The following SPAG16 variants were observed in gnomAD, a reference collection of about 807,000 sequenced individuals.
SPAG16 encodes the protein sperm associated antigen 16, also known as sperm-associated antigen 16 protein.
Under a neutral mutation model 80.4 loss-of-function variants are expected in SPAG16, and 86 were observed. That is an observed-to-expected ratio of 1.07 (90% CI 0.90 to 1.28). The LOEUF (loss-of-function observed/expected upper bound fraction) is 1.28. Ranked by LOEUF, SPAG16 falls within the 50% of genes most tolerant of loss-of-function variation. The pLI is 0.00. For synonymous variants in SPAG16, 294 were observed against 265.9 expected (o/e 1.11, Z -1.03); for missense variants, 870 against 765.3 (o/e 1.14, Z -1.61).
rs116525764 is a variant in SPAG16 at position 213,872,380 on chromosome 2, A to G, written c.1214+9752A>G. 8.4e-3 allele frequency among the ~76,000 whole-genome samples: 1,285 copies of G among 152,282 alleles called. 15 individuals are homozygous for G. The highest frequency in any genetic ancestry group is 0.029 in the African/African-American group (1,200 of 41,556). On this transcript the variant is annotated intron_variant, in intron 11 of 15. Transcript: ENST00000331683. Reference sequence around the variant, plus strand: ...TGTGGTAATTTGTCACAGCACAAAAAGAAAACAAATACACTATTCTTCCAC... The same window carrying G: ...TGTGGTAATTTGTCACAGCACAAAAGGAAAACAAATACACTATTCTTCCAC...
intron 10 of SPAG16, among the ~76,000 whole-genome samples, chr2:213,761,088 C>T (rs2068631372): frequency 6.6e-6 from 1 of 152,114 alleles, no homozygotes; most frequent in Admixed American, 6.6e-5. Context: ...ATATTCAAAC[C>T]ATAGCAAGGA....
intron 14 of SPAG16, among the ~76,000 whole-genome samples, chr2:214,130,888 T>C (rs766924209): frequency 2.0e-5 from 3 of 152,170 alleles, no homozygotes; most frequent in Non-Finnish European, 2.9e-5. Flanking sequence ...TCTCCTTGAA[T>C]AAAACGTTAG....
At chr2:213,855,700 G>A (rs2075124029) in intron 10 of SPAG16, among the ~76,000 whole-genome samples, 1 of 152,180 alleles carries the variant, frequency 6.6e-6, no homozygotes, top group East Asian at 1.9e-4. Flanking sequence ...CATCAGGAGA[G>A]GGAATGAGAG....
intron 15 of SPAG16, among the ~76,000 whole-genome samples, chr2:214,324,414 A>T (rs538440340): frequency 1.3e-5 from 2 of 152,242 alleles, no homozygotes; most frequent in Non-Finnish European, 2.9e-5. Context: ...TCTGTTTTCA[A>T]ACCACAAAAG....
At chr2:213,781,791 G>A (rs1195562686) in intron 10 of SPAG16, among the ~76,000 whole-genome samples, 3 of 152,174 alleles carry the variant, frequency 2.0e-5, no homozygotes, top group African/African-American at 7.2e-5. Context: ...GTTCATTGAA[G>A]AGCTTTTTCC....
intron 15 of SPAG16, among the ~76,000 whole-genome samples, chr2:214,335,854 G>T (rs1467706338): frequency 2.7e-5 from 4 of 147,620 alleles, no homozygotes; most frequent in Admixed American, 1.4e-4. Flanking sequence ...TGCCTCCCAG[G>T]TTCAAGTGAT....
At chr2:213,363,399 A>G (rs1043189076) in intron 7 of SPAG16, among the ~76,000 whole-genome samples, 1 of 152,060 alleles carries the variant, frequency 6.6e-6, no homozygotes, top group Non-Finnish European at 1.5e-5. Flanking sequence ...ATTTTCTATT[A>G]ATAAAGAAAT....
intron 10 of SPAG16, among the ~76,000 whole-genome samples, chr2:213,852,630 G>A (rs1057139565): frequency 5.3e-5 from 8 of 152,102 alleles, no homozygotes; most frequent in Admixed American, 5.2e-4. Context: ...GGTACTTCTT[G>A]CTTGTCATTC....
At chr2:213,324,888 A>G (rs558709678) in intron 5 of SPAG16, among the ~76,000 whole-genome samples, 1 of 152,118 alleles carries the variant, frequency 6.6e-6, no homozygotes, top group African/African-American at 2.4e-5. Context: ...TGCTCCAAAC[A>G]GCTACTAACA....
chr2:214,150,968 G>C (rs1462976633), intron 15 of SPAG16, among the ~76,000 whole-genome samples: 1 of 151,896 alleles, frequency 6.6e-6, no homozygotes, highest in Admixed American at 6.6e-5. Context: ...ATTAAGAAAA[G>C]CATAAGAATC....
intron 13 of SPAG16, among the ~76,000 whole-genome samples, chr2:214,049,450 G>C (rs1457409855): frequency 6.6e-6 from 1 of 151,986 alleles, no homozygotes; most frequent in East Asian, 1.9e-4. Context: ...TGCTAGTTTG[G>C]AGAAAATTTT....
At chr2:213,471,359 T>G (rs367896061) in intron 9 of SPAG16, among the ~76,000 whole-genome samples, 1 of 152,132 alleles carries the variant, frequency 6.6e-6, no homozygotes, top group Admixed American at 6.5e-5. Flanking sequence ...CATTTGATGA[T>G]GGAATGCTGC....
chr2:213,713,901 C>G (rs2066117715), intron 10 of SPAG16, among the ~76,000 whole-genome samples: 1 of 152,166 alleles, frequency 6.6e-6, no homozygotes, highest in African/African-American at 2.4e-5. Flanking sequence ...AGTATAAAAT[C>G]ATGTTCTTCT....
chr2:213,724,239 G>C (rs184398117), intron 10 of SPAG16, among the ~76,000 whole-genome samples: 1 of 152,298 alleles, frequency 6.6e-6, no homozygotes, highest in East Asian at 1.9e-4. Flanking sequence ...GCAATGACTA[G>C]TCAGAAAGCA....
At chr2:213,679,858 C>A (rs1850130) in intron 10 of SPAG16, among the ~76,000 whole-genome samples, 51,330 of 151,902 alleles carry the variant, frequency 0.34, 8,918 homozygotes, top group Middle Eastern at 0.45. Context: ...TCACAGGAAG[C>A]ACCCATAGAC....
rs573117332 is a variant in SPAG16 at position 214,181,304 on chromosome 2, A to T, written c.1720+32038A>T. Among the ~76,000 whole-genome samples, 4 of 151,834 alleles carry T rather than the reference A, an allele frequency of 2.6e-5. No individual in the cohort carries two copies. The East Asian group carries it at 7.8e-4, about 30-fold the overall frequency. On this transcript the variant is annotated intron_variant, in intron 15 of 15. Transcript: ENST00000331683. Reference sequence around the variant, plus strand: ...CAGACAGAAATAAGAACTGAACATGATGTAATGAACAGAGAAAAGGGAAGT... The same window carrying T: ...CAGACAGAAATAAGAACTGAACATGTTGTAATGAACAGAGAAAAGGGAAGT...
At chr2:213,924,679 C>T (rs1347324675) in intron 11 of SPAG16, among the ~76,000 whole-genome samples, 1 of 152,092 alleles carries the variant, frequency 6.6e-6, no homozygotes, top group Admixed American at 6.6e-5. Context: ...TTTGTTTACT[C>T]TCAATCTTTG....
At chr2:214,334,395 T>C (rs1697139511) in intron 15 of SPAG16, among the ~76,000 whole-genome samples, 1 of 152,196 alleles carries the variant, frequency 6.6e-6, no homozygotes, top group Non-Finnish European at 1.5e-5. Flanking sequence ...ATTTAGGATT[T>C]TTAATTATTT....
At chr2:213,967,990 T>G (rs2044794743) in intron 12 of SPAG16, among the ~76,000 whole-genome samples, 1 of 152,200 alleles carries the variant, frequency 6.6e-6, no homozygotes, top group South Asian at 2.1e-4. Flanking sequence ...GGTAGAATAC[T>G]TATATAATGT....
Sources: gnomAD v4.1 joint callset for allele counts (sites outside exome capture counted in the v4.1 genomes callset) on GRCh38, gnomAD v4.1.1 for gene constraint, MANE v1.5 for transcripts, NCBI Gene and HGNC (gene_info 2026-07-23, HGNC 2026-07-21) for gene names.